ADARB2: variants seen among roughly 807,000 people sequenced by gnomAD.
The protein encoded by ADARB2 is inactive double-stranded RNA-specific editase B2.
Under a neutral mutation model 62.2 loss-of-function variants are expected in ADARB2, and 25 were observed. That is an observed-to-expected ratio of 0.40 (90% CI 0.29 to 0.56). The LOEUF is 0.56. Among genes scored for constraint, ADARB2 ranks in the 20% least tolerant of loss-of-function variants. The probability of loss-of-function intolerance (pLI) is 0.43; values close to 1 mark genes in which losing one functional copy is unlikely to be tolerated. For missense variants in ADARB2, 1,071 were observed against 1,077.4 expected (o/e 0.99, Z 0.08); for synonymous variants, 572 against 500.8 (o/e 1.14, Z -1.90).
chr10:1,248,751 T>A (rs1391895581), intron 4 of ADARB2, among the ~76,000 whole-genome samples: 1 of 152,262 alleles, frequency 6.6e-6, no homozygotes, highest in Non-Finnish European at 1.5e-5. Flanking sequence ...AGAGTAAAAC[T>A]ACTACTCTGT....
intron 1 of ADARB2, among the ~76,000 whole-genome samples, chr10:1,490,945 A>G (rs1023976241): frequency 2.6e-5 from 4 of 152,222 alleles, no homozygotes; most frequent in African/African-American, 9.6e-5. Context: ...AAGGAAGAGG[A>G]CCTTGAAGTC....
Position 1,363,656 on chromosome 10 carries a change from G to T in ADARB2, c.449C>A (p.Pro150Gln). The T allele has an allele frequency of 6.2e-7, 1 of 1,607,424 alleles. No individual in the cohort carries two copies. Among genetic ancestry groups the T allele is most frequent in the Non-Finnish European group, 8.5e-7 (1 of 1,176,986 alleles). Residue 150 changes from proline to glutamine, a missense_variant, in exon 3 of 10, where the codon CCG becomes CAG. By Grantham distance (76) the Pro-to-Gln change is moderately conservative (BLOSUM62 -1). Coordinates refer to ENST00000381312, the MANE Select transcript of ADARB2 (RefSeq NM_018702.4). ...LQYRTVSQTG[P>Q]VHAPVFAVAV... ...TACCGCGAAGACCGGGGCATGCACC[G>T]GGCCCGTCTGCGACACTGTCCGGTA... is the stretch of plus-strand genomic sequence containing the variant.
rs1430774831 is a variant in ADARB2, at chr10:1,363,044, C to T, written c.1061G>A (p.Arg354Lys). The T allele has an allele frequency of 1.4e-6, 2 of 1,414,124 alleles. No homozygotes were observed. Among genetic ancestry groups the T allele is most frequent in the Non-Finnish European group, 1.8e-6 (2 of 1,083,486 alleles). 87.6% of individuals were successfully genotyped at this position (1,414,124 alleles called of 1,614,324 possible). Residue 354 changes from arginine (R) to lysine (K), a missense_variant, in exon 3 of 10, where the codon AGG becomes AAG. Transcript: ENST00000381312. Reference sequence around the variant, plus strand: ...GCCCCTCACCTGCGGCATTGGCGTCCTCCTGGCCCTGCCGGGCGCGTGGCC... The same window carrying T: ...GCCCCTCACCTGCGGCATTGGCGTCTTCCTGGCCCTGCCGGGCGCGTGGCC... ...MPGHAPGRAR[R>K]TPMPQEFADS...
chr10:1,593,869 T>C (rs1032180929), intron 1 of ADARB2, among the ~76,000 whole-genome samples: 2 of 152,198 alleles, frequency 1.3e-5, no homozygotes, highest in Non-Finnish European at 1.5e-5. Flanking sequence ...GAGTAGAATT[T>C]GATGATATGT....
chr10:1,469,652 A>G (rs1193219182), intron 1 of ADARB2, among the ~76,000 whole-genome samples: 1 of 152,178 alleles, frequency 6.6e-6, no homozygotes, highest in African/African-American at 2.4e-5. Context: ...TTCTGAGGAG[A>G]GAACAAAAAA....
intron 1 of ADARB2, among the ~76,000 whole-genome samples, chr10:1,736,712 G>C (rs1166323278): frequency 6.6e-6 from 1 of 152,214 alleles, no homozygotes; most frequent in Admixed American, 6.5e-5. Context: ...ATGGCCTCCG[G>C]AGGGTGGAAG....
intron 1 of ADARB2, among the ~76,000 whole-genome samples, chr10:1,410,515 A>T (rs1387252873): frequency 1.3e-5 from 2 of 152,240 alleles, no homozygotes; most frequent in East Asian, 1.9e-4. Flanking sequence ...GCGGGCAGAC[A>T]ACAGAGATGT....
intron 1 of ADARB2, among the ~76,000 whole-genome samples, chr10:1,575,785 G>A (rs2131995998): frequency 6.6e-6 from 1 of 152,266 alleles, no homozygotes; most frequent in South Asian, 2.1e-4. Flanking sequence ...TGGCGGTTTG[G>A]CTCTGGCCTT....
intron 7 of ADARB2, among the ~76,000 whole-genome samples, chr10:1,209,178 G>A (rs1315770842): frequency 6.6e-6 from 1 of 152,094 alleles, no homozygotes; most frequent in African/African-American, 2.4e-5. Flanking sequence ...CGCTGAGGGC[G>A]CCTGAGAGGG....
At position 1,724,408 on chromosome 10, in the gene ADARB2, G is replaced by C. The variant is rs1216715782; in HGVS notation, c.100+12643C>G. ...AAGCACTCTTCTCCCTGAGAGGTCA[G>C]GGCACATAGCCTGCCTGGTTTATCT... On this transcript the variant is annotated intron_variant, in intron 1 of 9. Transcript: ENST00000381312. 7.9e-5 allele frequency among the ~76,000 whole-genome samples: 12 copies of C among 152,346 alleles called. No homozygotes were observed. In the East Asian group the frequency reaches 2.3e-3, roughly 29 times the overall value.
chr10:1,216,645 C>G (rs111868093), intron 7 of ADARB2: 1 of 419,690 alleles, frequency 2.4e-6, no homozygotes, highest in East Asian at 5.1e-5. Flanking sequence ...CAGCCTCAGG[C>G]CAGGCTGTGT....
At chr10:1,444,396 C>G (rs1312717566) in intron 1 of ADARB2, among the ~76,000 whole-genome samples, 1 of 147,834 alleles carries the variant, frequency 6.8e-6, no homozygotes. Context: ...CATCTATCTA[C>G]ATCCATCCAT....
At chr10:1,293,146 AGGGAGAGGGAGGGTAAGAAGGG>A (rs1831487598) in intron 3 of ADARB2, 1 of 64,702 alleles carries the variant, frequency 1.5e-5, no homozygotes. Flanking sequence ...GGAAAGAGAG[AGGGAGAGGGAGGGTAAGAAGGG>A]GGGAGAGGGG....
intron 1 of ADARB2, among the ~76,000 whole-genome samples, chr10:1,580,520 A>G (rs1833081986): frequency 1.5e-5 from 2 of 133,516 alleles, no homozygotes; most frequent in Non-Finnish European, 1.6e-5. Context: ...TTTTTTAGAG[A>G]TTTCATTTTA....
At chr10:1,259,695 A>G (rs1831115301) in intron 4 of ADARB2, among the ~76,000 whole-genome samples, 1 of 152,202 alleles carries the variant, frequency 6.6e-6, no homozygotes, top group Admixed American at 6.5e-5. Flanking sequence ...GACCAGATGG[A>G]TTCACAGCCG....
intron 1 of ADARB2, among the ~76,000 whole-genome samples, chr10:1,631,185 G>A (rs560913126): frequency 6.6e-6 from 1 of 152,212 alleles, no homozygotes; most frequent in South Asian, 2.1e-4. Context: ...TCCACGTGGG[G>A]TCCCGACGCC....
chr10:1,363,243 C>T lies in ADARB2; in HGVS notation c.862G>A (p.Ala288Thr). ...GCCAGACACACGTAGCGCAGCCCGGCGCGCAGGCGGTTCAGCAGCACCACG... is the reference window on the plus strand; with the variant it reads ...GCCAGACACACGTAGCGCAGCCCGGTGCGCAGGCGGTTCAGCAGCACCACG... Reference protein sequence around the residue: ...NPVVLLNRLRAGLRYVCLAEP... With the variant: ...NPVVLLNRLRTGLRYVCLAEP... Residue 288 changes from alanine to threonine, a missense_variant, in exon 3 of 10, where the codon GCC (alanine) becomes ACC (threonine). Transcript: ENST00000381312. 1 of 1,364,218 alleles carries T rather than the reference C, an allele frequency of 7.3e-7. No individual in the cohort carries two copies. The highest frequency in any genetic ancestry group is 1.5e-5 in the African/African-American group (1 of 66,072). 84.5% of individuals were successfully genotyped at this position (1,364,218 alleles called of 1,614,324 possible).
chr10:1,295,572 C>T (rs1372942401), intron 3 of ADARB2, among the ~76,000 whole-genome samples: 1 of 151,578 alleles, frequency 6.6e-6, no homozygotes, highest in South Asian at 2.1e-4. Context: ...GGAGTCTGGG[C>T]TCTGAGCTGA....
At chr10:1,564,509 C>A (rs1277456545) in intron 1 of ADARB2, among the ~76,000 whole-genome samples, 1 of 152,056 alleles carries the variant, frequency 6.6e-6, no homozygotes, top group African/African-American at 2.4e-5. Context: ...GCAACCTACT[C>A]ATCTGACAAA....
Sources: allele counts gnomAD v4.1 joint callset (sites outside exome capture counted in the v4.1 genomes callset), GRCh38; gene constraint gnomAD v4.1.1; transcripts MANE v1.5; gene names NCBI Gene and HGNC (gene_info 2026-07-23, HGNC 2026-07-21).